The following CSMD1 variants were observed in gnomAD, a reference collection of about 807,000 sequenced individuals.
CSMD1 encodes CUB and sushi domain-containing protein 1.
In CSMD1, 213 loss-of-function variants were observed where a neutral mutation model predicts 417.5. That is an observed-to-expected ratio of 0.51 (90% CI 0.46 to 0.57). The LOEUF is 0.57. Ranked by LOEUF, CSMD1 falls within the 20% of genes least tolerant of loss-of-function variation. The probability of loss-of-function intolerance (pLI) is 0.00; values close to 1 mark genes in which losing one functional copy is unlikely to be tolerated. For missense variants in CSMD1, 6,923 were observed against 4,529.7 expected (o/e 1.53, Z -15.17); for synonymous variants, 2,862 against 1,736.8 (o/e 1.65, Z -16.11).
chr8:4,225,657 G>A (rs190408916), intron 3 of CSMD1, among the ~76,000 whole-genome samples: 1 of 152,104 alleles, frequency 6.6e-6, no homozygotes, highest in Non-Finnish European at 1.5e-5. Flanking sequence ...GAAATTAAAA[G>A]CAGGAAAGTG....
chr8:4,838,096 A>AAAAATAAAAAAAATTGCCG (rs1287152487), intron 1 of CSMD1, among the ~76,000 whole-genome samples: 1 of 152,168 alleles, frequency 6.6e-6, no homozygotes, highest in Non-Finnish European at 1.5e-5. Flanking sequence ...AATAAAAATT[A>AAAAATAAAAAAAATTGCCG]GTGAGAATAA....
At chr8:4,023,966 T>G (rs1040104433) in intron 4 of CSMD1, among the ~76,000 whole-genome samples, 1 of 151,834 alleles carries the variant, frequency 6.6e-6, no homozygotes, top group South Asian at 2.1e-4. Context: ...AAGAGCGACT[T>G]CATTATTATT....
chr8:4,019,242 G>C lies in CSMD1; in HGVS notation c.610+12663C>G, dbSNP rs74185626. ...AGGCTCCTGGCTGAGTTAGGTCAGA[G>C]GCACTCTCTCTTACAGACTAAGAGT... On this transcript the variant is annotated intron_variant, in intron 4 of 69. Coordinates refer to ENST00000635120, the MANE Select transcript of CSMD1 (RefSeq NM_033225.6). Among the ~76,000 whole-genome samples the C allele has an allele frequency of 2.0e-4, 30 of 152,298 alleles. 1 individual carries two copies. In the East Asian group the frequency reaches 4.4e-3, roughly 23 times the overall value.
intron 1 of CSMD1, among the ~76,000 whole-genome samples, chr8:4,860,686 T>C (rs1207336685): frequency 6.6e-6 from 1 of 152,144 alleles, no homozygotes; most frequent in Non-Finnish European, 1.5e-5. Context: ...TTTGAAATGT[T>C]CCTCATTCAC....
Position 3,062,666 on chromosome 8 carries a change from A to ATT in CSMD1, c.7475-10020_7475-10019insAA, listed in dbSNP as rs563577053. ...CTCTTGAAAATATCTAGCACTTCATAACCCAAGGAAGAAAAAAAAGCATTT... is the reference window on the plus strand; with the variant it reads ...CTCTTGAAAATATCTAGCACTTCATATTACCCAAGGAAGAAAAAAAAGCATTT... On this transcript the variant is annotated intron_variant, in intron 49 of 69. Coordinates refer to ENST00000635120, the MANE Select transcript of CSMD1 (RefSeq NM_033225.6). Among the ~76,000 whole-genome samples, 1,117 of 152,242 alleles carry ATT rather than the reference A, an allele frequency of 7.3e-3. 9 individuals are homozygous for ATT. The highest frequency in any genetic ancestry group is 0.015 in the South Asian group (74 of 4,828).
At chr8:4,894,123 A>G (rs894554948) in intron 1 of CSMD1, among the ~76,000 whole-genome samples, 3 of 152,094 alleles carry the variant, frequency 2.0e-5, no homozygotes, top group Admixed American at 1.3e-4. Flanking sequence ...ACTGTATCCC[A>G]TACATTTGAA....
intron 4 of CSMD1, among the ~76,000 whole-genome samples, chr8:4,011,297 G>T (rs2130436157): frequency 6.6e-6 from 1 of 152,230 alleles, no homozygotes; most frequent in South Asian, 2.1e-4. Flanking sequence ...TTTTAGTGGA[G>T]AATTGCTCTC....
chr8:4,934,735 T>C (rs1344129068), intron 1 of CSMD1, among the ~76,000 whole-genome samples: 1 of 152,196 alleles, frequency 6.6e-6, no homozygotes, highest in Non-Finnish European at 1.5e-5. Context: ...TATATATCTA[T>C]AAACTATCTA....
chr8:4,803,832 C>T (rs745438829), intron 1 of CSMD1, among the ~76,000 whole-genome samples: 1 of 152,152 alleles, frequency 6.6e-6, no homozygotes, highest in Non-Finnish European at 1.5e-5. Context: ...ATCCTTGACA[C>T]AGTAATTATG....
intron 5 of CSMD1, among the ~76,000 whole-genome samples, chr8:3,792,680 C>G (rs141751035): frequency 6.6e-6 from 1 of 152,156 alleles, no homozygotes; most frequent in African/African-American, 2.4e-5. Context: ...AGACCGCAAT[C>G]ATGAAATCTT....
At chr8:4,610,148 C>CTAGT (rs200877749) in intron 2 of CSMD1, among the ~76,000 whole-genome samples, 8 of 152,014 alleles carry the variant, frequency 5.3e-5, no homozygotes, top group Admixed American at 5.2e-4. Context: ...AGGTTATGAA[C>CTAGT]ACCTTTTCTT....
chr8:3,296,831 T>A (rs1156956928), intron 25 of CSMD1, among the ~76,000 whole-genome samples: 1 of 152,116 alleles, frequency 6.6e-6, no homozygotes, highest in Non-Finnish European at 1.5e-5. Flanking sequence ...ATGGGGAAAA[T>A]CAGAGTTTCT....
At chr8:4,585,643 C>A (rs1486473105) in intron 2 of CSMD1, among the ~76,000 whole-genome samples, 1 of 151,818 alleles carries the variant, frequency 6.6e-6, no homozygotes, top group African/African-American at 2.4e-5. Flanking sequence ...GGCAAAGAAG[C>A]AACAATAAAA....
chr8:4,213,171 G>T lies in CSMD1; in HGVS notation c.416-181072C>A, dbSNP rs911538872. ...CTTACTAGGATATAAACCAAATGGG[G>T]AGAGACATAGTTGAGAATGTGAATC... On this transcript the variant is annotated intron_variant, in intron 3 of 69. Transcript: ENST00000635120. Among the ~76,000 whole-genome samples the T allele has an allele frequency of 3.9e-5, 6 of 152,246 alleles. No individual in the cohort carries two copies. The South Asian group carries it at 1.2e-3, about 32-fold the overall frequency.
In CSMD1 at chr8:3,612,992, TG is replaced by T. The variant is rs1193273930; in HGVS notation, c.1097+3717del. On this transcript the variant is annotated intron_variant, in intron 8 of 69. Coordinates refer to ENST00000635120, the MANE Select transcript of CSMD1 (RefSeq NM_033225.6). ...TACAGAAATGTATGTAAAAGTAAAT[TG>T]TATTTTTTTGAGAAGTTCAATAATA... Among the ~76,000 whole-genome samples the T allele has an allele frequency of 3.9e-5, 6 of 152,114 alleles. No individual in the cohort carries two copies. The East Asian group carries it at 1.2e-3, about 29-fold the overall frequency.
intron 50 of CSMD1, among the ~76,000 whole-genome samples, chr8:3,047,213 CAAAAA>C (rs749861179): frequency 0.29 from 21,043 of 72,676 alleles, 2,064 homozygotes; most frequent in East Asian, 0.39. Context: ...GACTCCCTCT[CAAAAA>C]AAAAAAAAAA....
At position 3,399,538 on chromosome 8, in the gene CSMD1, A is replaced by C. The variant is rs190062004; in HGVS notation, c.2267-9T>G. 3.0e-4 allele frequency: 480 copies of C among 1,576,408 alleles called. No individual in the cohort carries two copies. The highest frequency in any genetic ancestry group is 1.8e-3 in the African/African-American group (132 of 73,562). On this transcript the variant is annotated splice_polypyrimidine_tract_variant and intron_variant, in intron 15 of 69. Transcript: ENST00000635120. ...ATGTCCACCACATGGAGCTAAAACA[A>C]GACGTAGAATATCTATTAGATCCAA...
At chr8:3,718,722 T>C (rs528628650) in intron 6 of CSMD1, among the ~76,000 whole-genome samples, 1 of 152,320 alleles carries the variant, frequency 6.6e-6, no homozygotes, top group South Asian at 2.1e-4. Context: ...TAGCATAAGA[T>C]GCTTTACTGG....
intron 2 of CSMD1, among the ~76,000 whole-genome samples, chr8:4,458,759 T>A (rs945799103): frequency 6.6e-6 from 1 of 152,194 alleles, no homozygotes; most frequent in Non-Finnish European, 1.5e-5. Flanking sequence ...AAAAACATTT[T>A]ATGCATTGAA....
Sources: gnomAD v4.1 joint callset for allele counts (sites outside exome capture counted in the v4.1 genomes callset) on GRCh38, gnomAD v4.1.1 for gene constraint, MANE v1.5 for transcripts, NCBI Gene and HGNC (gene_info 2026-07-23, HGNC 2026-07-21) for gene names.